Variants in CRTC3 observed in about 807,000 individuals in gnomAD.
CRTC3 encodes CREB-regulated transcription coactivator 3.
A neutral mutation model predicts 74.5 loss-of-function variants in CRTC3; 26 were observed. That is an observed-to-expected ratio of 0.35 (90% CI 0.26 to 0.48). CRTC3 has a LOEUF of 0.48. Ranked by LOEUF, CRTC3 falls within the 20% of genes least tolerant of loss-of-function variation. The probability of loss-of-function intolerance (pLI) is 0.99; values close to 1 mark genes in which losing one functional copy is unlikely to be tolerated. For synonymous variants in CRTC3, 377 were observed against 325.8 expected (o/e 1.16, Z -1.69); for missense variants, 760 against 787.3 (o/e 0.97, Z 0.41).
rs770801569 is a variant in CRTC3 at position 90,638,431 on chromosome 15, GTGTT to G, written c.1267-9_1267-6del. The G allele has an allele frequency of 1.2e-6, 2 of 1,612,460 alleles. No homozygotes were observed. Among genetic ancestry groups the G allele is most frequent in the African/African-American group, 2.7e-5 (2 of 74,904 alleles). On this transcript the variant is annotated splice_polypyrimidine_tract_variant and intron_variant, in intron 11 of 14. Transcript: ENST00000268184. ...CGCAGAAGCTCATTAGTGGCTTTGT[GTGTT>G]TGTTTTGCAGATGGTGTCCTCAGAC...
At chr15:90,619,467 G>A (rs181902749) in intron 8 of CRTC3, among the ~76,000 whole-genome samples, 1 of 152,312 alleles carries the variant, frequency 6.6e-6, no homozygotes, top group East Asian at 1.9e-4. Flanking sequence ...AAAGCTCTAT[G>A]TGTAAAACAT....
intron 3 of CRTC3, chr15:90,598,854 G>T: frequency 3.8e-6 from 1 of 262,272 alleles, no homozygotes; most frequent in Non-Finnish European, 7.5e-6. Context: ...GAGGACAGGG[G>T]CTCTCTACCA....
At chr15:90,610,865 A>G (rs1968339909) in intron 6 of CRTC3, among the ~76,000 whole-genome samples, 1 of 152,108 alleles carries the variant, frequency 6.6e-6, no homozygotes, top group African/African-American at 2.4e-5. Flanking sequence ...AGGGGAGCAG[A>G]GTGCGTAATA....
intron 9 of CRTC3, among the ~76,000 whole-genome samples, chr15:90,620,989 G>A (rs769629454): frequency 3.9e-5 from 6 of 152,022 alleles, no homozygotes; most frequent in African/African-American, 1.4e-4. Flanking sequence ...GCTGAGCTGC[G>A]CCACGGGTTG....
chr15:90,614,811 C>T (rs1426912314), intron 7 of CRTC3, among the ~76,000 whole-genome samples: 1 of 152,118 alleles, frequency 6.6e-6, no homozygotes, highest in African/African-American at 2.4e-5. Context: ...TGCCTGTAAT[C>T]CCAGCACTTT....
At chr15:90,551,673 T>G (rs915108001) in intron 2 of CRTC3, among the ~76,000 whole-genome samples, 12 of 152,144 alleles carry the variant, frequency 7.9e-5, no homozygotes, top group African/African-American at 2.7e-4. Flanking sequence ...TTCCCTTCCC[T>G]GCTCGTCTTT....
At chr15:90,589,119 C>T (rs894108830) in intron 2 of CRTC3, among the ~76,000 whole-genome samples, 12 of 151,926 alleles carry the variant, frequency 7.9e-5, no homozygotes, top group African/African-American at 1.9e-4. Context: ...TGCAGTGGCG[C>T]GATCTCAGCT....
At chr15:90,533,879 T>A (rs1344055815) in intron 1 of CRTC3, among the ~76,000 whole-genome samples, 2 of 151,782 alleles carry the variant, frequency 1.3e-5, no homozygotes, top group African/African-American at 4.8e-5. Flanking sequence ...AGGGTTTGTG[T>A]GTTGAGGGAG....
chr15:90,532,753 A>G (rs1389795626), intron 1 of CRTC3, among the ~76,000 whole-genome samples: 1 of 152,180 alleles, frequency 6.6e-6, no homozygotes, highest in Non-Finnish European at 1.5e-5. Flanking sequence ...GAGTACTAGG[A>G]GGAGGAGTTG....
In CRTC3 at chr15:90,539,915, C is replaced by G. The variant is rs1288750092; in HGVS notation, c.133-124C>G. ...GAAACCTTGAGGGTGTGATCACTTACGTCGAGAAGAAATTGAAACAAGACT... is the reference window on the plus strand; with the variant it reads ...GAAACCTTGAGGGTGTGATCACTTAGGTCGAGAAGAAATTGAAACAAGACT... On this transcript the variant is annotated intron_variant, in intron 1 of 14. Coordinates refer to ENST00000268184, the MANE Select transcript of CRTC3 (RefSeq NM_022769.5). 6 of 713,296 alleles carry G rather than the reference C, an allele frequency of 8.4e-6. No individual in the cohort carries two copies. In the South Asian group the frequency reaches 9.9e-5, roughly 12 times the overall value. The allele number at this position is 713,296 out of a possible 1,614,324, so 44.2% of individuals were successfully genotyped here.
At chr15:90,607,304 ATAT>A (rs1968247754) in intron 5 of CRTC3, 71 bp from the exon 6 acceptor site, 5 of 849,270 alleles carry the variant, frequency 5.9e-6, no homozygotes, top group Non-Finnish European at 9.8e-6. Flanking sequence ...CCTGTTGGTA[ATAT>A]TCAACAAAGA....
At chr15:90,638,921 CTGGTTCTGGTTG>C (rs1210026582) in intron 13 of CRTC3, 106 bp downstream of exon 13, 2 of 946,266 alleles carry the variant, frequency 2.1e-6, no homozygotes, top group African/African-American at 3.2e-5. Flanking sequence ...TGCCACTTTC[CTGGTTCTGGTTG>C]TGTTCTGTGG....
At chr15:90,603,453 G>A (rs913716867) in intron 4 of CRTC3, among the ~76,000 whole-genome samples, 1 of 151,742 alleles carries the variant, frequency 6.6e-6, no homozygotes, top group Non-Finnish European at 1.5e-5. Context: ...AAAAAAAAAA[G>A]AAAGAAAAAT....
chr15:90,604,581 C>T (rs1194286489), intron 5 of CRTC3, 134 bp downstream of exon 5: 6 of 695,820 alleles, frequency 8.6e-6, no homozygotes, highest in African/African-American at 1.8e-5. Context: ...ACAAAACCCA[C>T]CATTTTTTGA....
intron 2 of CRTC3, among the ~76,000 whole-genome samples, chr15:90,579,492 G>A (rs1426128479): frequency 6.6e-6 from 1 of 152,096 alleles, no homozygotes; most frequent in East Asian, 1.9e-4. Flanking sequence ...AGGAAATGGG[G>A]TAGTAATTAT....
intron 13 of CRTC3, among the ~76,000 whole-genome samples, chr15:90,640,805 T>C (rs1429022485): frequency 1.3e-5 from 2 of 152,116 alleles, no homozygotes; most frequent in African/African-American, 4.8e-5. Context: ...GACAGATGTC[T>C]GAGGGGCCAC....
chr15:90,606,911 T>G (rs1445218882), intron 5 of CRTC3: 1 of 152,634 alleles, frequency 6.6e-6, no homozygotes, highest in African/African-American at 2.4e-5. Context: ...GAGGACACTT[T>G]ACTATCATTT....
At chr15:90,547,334 T>C (rs1380413910) in intron 2 of CRTC3, among the ~76,000 whole-genome samples, 1 of 152,236 alleles carries the variant, frequency 6.6e-6, no homozygotes, top group Non-Finnish European at 1.5e-5. Flanking sequence ...TTGTTCTTCC[T>C]GTCTACTCCT....
In CRTC3 at chr15:90,617,965, G is replaced by A. The variant is rs1424858395; in HGVS notation, c.696G>A (p.Lys232=). The A allele has an allele frequency of 6.3e-7, 1 of 1,597,588 alleles. No homozygotes were observed. Among genetic ancestry groups the A allele is most frequent in the South Asian group, 1.1e-5 (1 of 90,710 alleles). Residue 232 remains lysine (K), a synonymous_variant, in exon 8 of 15, where the codon AAG becomes AAA. Transcript: ENST00000268184. The part of the protein sequence containing the change: ...KPLPKQLWET[K]EIQSLSGRPR... The stretch of plus-strand genomic sequence containing the variant: ...TGCCAAAACAACTGTGGGAGACCAA[G>A]GAGGTGGGTGAACAGTACTCAGCTA...
Sources: gnomAD v4.1 joint callset for allele counts (sites outside exome capture counted in the v4.1 genomes callset) on GRCh38, gnomAD v4.1.1 for gene constraint, MANE v1.5 for transcripts, NCBI Gene and HGNC (gene_info 2026-07-23, HGNC 2026-07-21) for gene names.